Variants in GNL3L observed in about 807,000 individuals in gnomAD.
The protein encoded by GNL3L is G protein nucleolar 3 like, also known as guanine nucleotide-binding protein-like 3-like protein.
GNL3L carries 4 observed loss-of-function variants against 42.9 expected under a neutral mutation model. The ratio of observed to expected loss-of-function variants is 0.09; its 90% confidence interval spans 0.05 to 0.21. The LOEUF (loss-of-function observed/expected upper bound fraction) is 0.21, where lower values mean the gene tolerates loss of function less well. Among genes scored for constraint, GNL3L ranks in the 10% least tolerant of loss-of-function variants. The pLI, the probability that GNL3L is intolerant of heterozygous loss-of-function variation, is 1.00. For synonymous variants in GNL3L, 159 were observed against 176.3 expected (o/e 0.90, Z 0.78); for missense variants, 412 against 481.7 (o/e 0.86, Z 1.36).
At chrX:54,632,014 T>C in the GNL3L span, among the ~76,000 whole-genome samples, 1 of 112,182 alleles carries the variant, frequency 8.9e-6, no homozygotes, top group Non-Finnish European at 1.9e-5. Flanking sequence ...GACGTTAGCT[T>C]TCCTTCATTT....
rs150741301 is a variant in GNL3L, at chrX:54,551,846, T to C, written c.1053T>C (p.Tyr351=). Residue 351 remains tyrosine (Y), a synonymous_variant, in exon 12 of 16, where the codon TAT becomes TAC. Coordinates refer to ENST00000360845, the MANE Select transcript of GNL3L (RefSeq NM_001184819.2). ...CCCTTCACCAGATTTCCAACTATTATGGCGTCTCTGGGTTCCAGACCACTG... is the reference window on the plus strand; with the variant it reads ...CCCTTCACCAGATTTCCAACTATTACGGCGTCTCTGGGTTCCAGACCACTG... The part of the protein sequence containing the change: ...RCNLEEISNY[Y]GVSGFQTTEH... The C allele has an allele frequency of 2.7e-4, 331 of 1,210,269 alleles. No homozygotes were observed. In the East Asian group the frequency reaches 5.6e-3, roughly 21 times the overall value.
chrX:54,550,086 A>G (rs1301737718), intron 9 of GNL3L, among the ~76,000 whole-genome samples: 1 of 110,274 alleles, frequency 9.1e-6, no homozygotes, highest in Non-Finnish European at 1.9e-5. Context: ...ACAAATTGGC[A>G]GAGAAAGAGG....
intron 16 of GNL3L, among the ~76,000 whole-genome samples, chrX:54,616,616 A>G (rs1048785252): frequency 8.9e-5 from 10 of 111,817 alleles, no homozygotes; most frequent in African/African-American, 3.3e-4. Flanking sequence ...CTTAACAGGC[A>G]CATTAAAATA....
At position 54,561,577 on chromosome X, in the gene GNL3L, G is replaced by T. The variant is rs1925272816; in HGVS notation, c.*975G>T. Reference sequence around the variant, plus strand: ...CACCTGTTAGTAGGGAGGCTTTAGGGGGAAGCCCCGTCTTGGGGGCATTTC... The same window carrying T: ...CACCTGTTAGTAGGGAGGCTTTAGGTGGAAGCCCCGTCTTGGGGGCATTTC... On this transcript the variant is annotated 3_prime_UTR_variant, in exon 16 of 16. Coordinates refer to ENST00000360845, the MANE Select transcript of GNL3L (RefSeq NM_001184819.2). 8.9e-6 allele frequency among the ~76,000 whole-genome samples: 1 copy of T among 112,087 alleles called. No individual in the cohort carries two copies. Among genetic ancestry groups the T allele is most frequent in the East Asian group, 2.8e-4 (1 of 3,542 alleles).
At chrX:54,638,141 T>G in the GNL3L span, among the ~76,000 whole-genome samples, 1 of 111,860 alleles carries the variant, frequency 8.9e-6, no homozygotes, top group Non-Finnish European at 1.9e-5. Context: ...TCCTTTGCAA[T>G]TTTTTGAAAT....
At chrX:54,604,930 A>G (rs1042745758) in intron 16 of GNL3L, among the ~76,000 whole-genome samples, 4 of 111,678 alleles carry the variant, frequency 3.6e-5, no homozygotes, top group South Asian at 3.8e-4. Context: ...AACCCAATAT[A>G]TATTAGAAAT....
At chrX:54,629,263 C>G in the GNL3L span, among the ~76,000 whole-genome samples, 2 of 110,856 alleles carry the variant, frequency 1.8e-5, no homozygotes, top group African/African-American at 6.6e-5. Flanking sequence ...ATTTCTTTCT[C>G]TTGTCTGATT....
chrX:54,601,228 T>C (rs1040011728), intron 16 of GNL3L, among the ~76,000 whole-genome samples: 2 of 111,328 alleles, frequency 1.8e-5, no homozygotes, highest in Non-Finnish European at 3.8e-5. Context: ...TGACTGCTAA[T>C]GGGTAAGGAG....
At chrX:54,591,319 G>A (rs760825131) in intron 16 of GNL3L, among the ~76,000 whole-genome samples, 3 of 110,399 alleles carry the variant, frequency 2.7e-5, no homozygotes, top group African/African-American at 6.6e-5. Context: ...TAGGCGGGGC[G>A]CAGTGGCTCG....
chrX:54,575,530 C>T lies in GNL3L; in HGVS notation c.*45+14883C>T, dbSNP rs1209272007. Among the ~76,000 whole-genome samples the T allele has an allele frequency of 9.0e-5, 10 of 111,693 alleles. No homozygotes were observed. In the East Asian group the frequency reaches 2.0e-3, roughly 22 times the overall value. On this transcript the variant is annotated intron_variant, in intron 16 of 16. Transcript: ENST00000674498. ...GGCAGATCACCTGAGGTCGGGAGTT[C>T]GAGACCATCCTGGCTAACACGGTGA...
At chrX:54,553,600 T>C (rs1336976129) in intron 13 of GNL3L, among the ~76,000 whole-genome samples, 1 of 111,760 alleles carries the variant, frequency 8.9e-6, no homozygotes, top group East Asian at 2.8e-4. Context: ...AGTACAGTGG[T>C]ATGATCTGGG....
chrX:54,538,910 T>C, intron 2 of GNL3L, 130 bp from the exon 3 acceptor site: 1 of 435,111 alleles, frequency 2.3e-6, no homozygotes. Context: ...TGTCTTGTGC[T>C]GGATCTAGAC....
intron 16 of GNL3L, among the ~76,000 whole-genome samples, chrX:54,575,546 A>C (rs531597477): frequency 7.2e-5 from 8 of 111,811 alleles, no homozygotes; most frequent in Middle Eastern, 4.7e-3. Context: ...CATCCTGGCT[A>C]ACACGGTGAA....
intron 2 of GNL3L, 31 bp from the exon 3 acceptor site, chrX:54,539,009 G>T: frequency 1.1e-6 from 1 of 918,951 alleles, no homozygotes; most frequent in South Asian, 2.2e-5. Flanking sequence ...GATGGATGAC[G>T]GCTCTTTTCT....
chrX:54,556,657 G>A (rs768055001), intron 14 of GNL3L, among the ~76,000 whole-genome samples: 220 of 110,751 alleles, frequency 2.0e-3, no homozygotes, highest in African/African-American at 6.5e-3. Flanking sequence ...TTGGATTACA[G>A]GTGTGACCCA....
chrX:54,599,386 T>G (rs1376400069), intron 16 of GNL3L, among the ~76,000 whole-genome samples: 5 of 110,726 alleles, frequency 4.5e-5, no homozygotes, highest in African/African-American at 1.7e-4. Context: ...GAAAATGATA[T>G]AAATCTGAAT....
intron 8 of GNL3L, among the ~76,000 whole-genome samples, chrX:54,544,776 C>T (rs1205592680): frequency 9.0e-6 from 1 of 111,005 alleles, no homozygotes; most frequent in Non-Finnish European, 1.9e-5. Context: ...ACATGCCTGG[C>T]CAGTGACTTC....
chrX:54,585,730 A>G (rs1434299533), intron 16 of GNL3L, among the ~76,000 whole-genome samples: 1 of 111,125 alleles, frequency 9.0e-6, no homozygotes, highest in Admixed American at 9.6e-5. Context: ...TTTTTCTAAC[A>G]TTTGTTCCAT....
intron 9 of GNL3L, among the ~76,000 whole-genome samples, chrX:54,550,382 G>A (rs1265609521): frequency 1.8e-5 from 2 of 110,941 alleles, no homozygotes; most frequent in Admixed American, 1.9e-4. Flanking sequence ...AGCTTTCTCG[G>A]GTTGAAACAA....
Sources: allele counts gnomAD v4.1 joint callset (sites outside exome capture counted in the v4.1 genomes callset), GRCh38; gene constraint gnomAD v4.1.1; transcripts MANE v1.5; gene names NCBI Gene and HGNC (gene_info 2026-07-23, HGNC 2026-07-21).